ABHD5: variants seen among roughly 807,000 people sequenced by gnomAD.
ABHD5 encodes abhydrolase domain containing 5, lysophosphatidic acid acyltransferase.
A neutral mutation model predicts 44.9 loss-of-function variants in ABHD5; 30 were observed. That is an observed-to-expected ratio of 0.67 (90% confidence interval 0.50 to 0.91). The LOEUF (loss-of-function observed/expected upper bound fraction) is 0.91. Ranked by LOEUF, ABHD5 falls within the 40% of genes least tolerant of loss-of-function variation. The pLI is 0.00. For missense variants in ABHD5, 399 were observed against 423.4 expected (o/e 0.94, Z 0.50); for synonymous variants, 167 against 147.0 (o/e 1.14, Z -0.99).
chr3:43,701,157 G>C (rs779108919), intron 2 of ABHD5, among the ~76,000 whole-genome samples: 1 of 152,194 alleles, frequency 6.6e-6, no homozygotes, highest in African/African-American at 2.4e-5. Context: ...TAGTTATACA[G>C]ATGGTTTTTA....
chr3:43,706,228 T>TA (rs930936999), intron 3 of ABHD5, among the ~76,000 whole-genome samples: 6 of 152,206 alleles, frequency 3.9e-5, no homozygotes, highest in African/African-American at 1.4e-4. Context: ...AACAAACAGG[T>TA]ACTGAACTAC....
chr3:43,705,310 A>G (rs572177826), intron 3 of ABHD5, among the ~76,000 whole-genome samples: 27 of 152,292 alleles, frequency 1.8e-4, no homozygotes, highest in African/African-American at 6.3e-4. Context: ...TAAGCAGGCA[A>G]AGATTTCAGT....
chr3:43,695,608 C>G (rs529953668), intron 1 of ABHD5, among the ~76,000 whole-genome samples: 1 of 152,164 alleles, frequency 6.6e-6, no homozygotes, highest in Non-Finnish European at 1.5e-5. Context: ...AAACCTCTTT[C>G]ACTGTTTCAT....
At chr3:43,729,260 G>T (rs2084898143) in intron 7 of ABHD5, among the ~76,000 whole-genome samples, 2 of 152,154 alleles carry the variant, frequency 1.3e-5, no homozygotes, top group Admixed American at 1.3e-4. Context: ...GGTCATCTTG[G>T]ATGATTGGAG....
intron 7 of ABHD5, among the ~76,000 whole-genome samples, chr3:43,731,869 A>T (rs1317434062): frequency 6.6e-6 from 1 of 151,984 alleles, no homozygotes; most frequent in Non-Finnish European, 1.5e-5. Context: ...TAAAATTAAA[A>T]ATTAAGAATT....
chr3:43,692,832 G>A (rs1483431671), intron 1 of ABHD5, among the ~76,000 whole-genome samples: 1 of 152,108 alleles, frequency 6.6e-6, no homozygotes, highest in Non-Finnish European at 1.5e-5. Flanking sequence ...ACTGGAATTG[G>A]GACTCATGTG....
At chr3:43,693,321 C>A (rs2084425662) in intron 1 of ABHD5, among the ~76,000 whole-genome samples, 1 of 152,156 alleles carries the variant, frequency 6.6e-6, no homozygotes. Flanking sequence ...CCACGGAAAT[C>A]ATCAAATGCT....
At chr3:43,708,308 T>G (rs2084647911) in intron 3 of ABHD5, among the ~76,000 whole-genome samples, 1 of 152,222 alleles carries the variant, frequency 6.6e-6, no homozygotes, top group African/African-American at 2.4e-5. Flanking sequence ...AGATGTGAAC[T>G]AACAATCCCA....
chr3:43,706,929 C>T (rs1220737961), intron 3 of ABHD5, among the ~76,000 whole-genome samples: 2 of 152,128 alleles, frequency 1.3e-5, no homozygotes, highest in Non-Finnish European at 2.9e-5. Flanking sequence ...CAGTCCTTGT[C>T]TTTTATGGGC....
chr3:43,716,578 A>G (rs2084765825), intron 5 of ABHD5, among the ~76,000 whole-genome samples: 1 of 152,138 alleles, frequency 6.6e-6, no homozygotes, highest in Non-Finnish European at 1.5e-5. Flanking sequence ...TTAATAAAGT[A>G]GGTTAGAGGT....
intron 5 of ABHD5, among the ~76,000 whole-genome samples, chr3:43,717,255 A>C (rs186900457): frequency 1.3e-5 from 2 of 152,330 alleles, no homozygotes; most frequent in African/African-American, 4.8e-5. Context: ...GCTTGCAAGA[A>C]TATATTGTCT....
At chr3:43,697,989 C>T (rs2149593139) in intron 1 of ABHD5, among the ~76,000 whole-genome samples, 1 of 152,288 alleles carries the variant, frequency 6.6e-6, no homozygotes, top group South Asian at 2.1e-4. Flanking sequence ...GACTTAATCA[C>T]TCAGCAAACA....
chr3:43,711,821 C>T lies in ABHD5; in HGVS notation c.619C>T (p.Pro207Ser). The change falls in exon 4 of 7, where the codon CCC (proline) becomes TCC (serine). Residue 207 changes from proline to serine, a missense_variant. Coordinates refer to ENST00000644371, the MANE Select transcript of ABHD5 (RefSeq NM_016006.6). The part of the protein sequence containing the change: ...WIRALGAALT[P>S]FNPLAGLRIA... ...CAGAGCCTTGGGAGCAGCATTGACT[C>T]CCTTTAACCCTTTAGCTGGCCTAAG... 1.2e-6 allele frequency: 2 copies of T among 1,614,194 alleles called. No homozygotes were observed. Among genetic ancestry groups the T allele is most frequent in the Non-Finnish European group, 1.7e-6 (2 of 1,180,034 alleles).
At chr3:43,693,852 T>G (rs2084434877) in intron 1 of ABHD5, among the ~76,000 whole-genome samples, 1 of 152,010 alleles carries the variant, frequency 6.6e-6, no homozygotes, top group South Asian at 2.1e-4. Context: ...TGAACTGTCT[T>G]GTCTGTGGAG....
At chr3:43,730,293 A>G (rs2084904480) in intron 7 of ABHD5, among the ~76,000 whole-genome samples, 1 of 152,186 alleles carries the variant, frequency 6.6e-6, no homozygotes, top group African/African-American at 2.4e-5. Flanking sequence ...CTCCTGAGGA[A>G]TGCTCTTGGC....
At chr3:43,726,679 A>G (rs1231726298), downstream of ABHD5, among the ~76,000 whole-genome samples, 2 of 152,232 alleles carry the variant, frequency 1.3e-5, no homozygotes, top group African/African-American at 2.4e-5. Flanking sequence ...CTGTTTCGGC[A>G]AACATCTGAG....
chr3:43,698,320 C>T (rs539236696), intron 1 of ABHD5, among the ~76,000 whole-genome samples: 23 of 152,278 alleles, frequency 1.5e-4, no homozygotes, highest in African/African-American at 5.5e-4. Flanking sequence ...TTGGATTGGG[C>T]CCTTACCTCT....
At position 43,715,076 on chromosome 3, in the gene ABHD5, C is replaced by T. The variant is rs2149604615; in HGVS notation, c.773+18C>T. On this transcript the variant is annotated intron_variant, in intron 5 of 6. Coordinates refer to ENST00000644371, the MANE Select transcript of ABHD5 (RefSeq NM_016006.6). ...ACTCCAAGGTGAGGGTTAGGATTCT[C>T]AATTCACTCTGTGTGTGTGTGTGTG... is the stretch of plus-strand genomic sequence containing the variant. The T allele has an allele frequency of 7.0e-7, 1 of 1,433,112 alleles. No individual in the cohort carries two copies. 88.8% of individuals were successfully genotyped at this position (1,433,112 alleles called of 1,614,324 possible).
At chr3:43,713,349 GAAAA>G (rs1559416873) in intron 4 of ABHD5, among the ~76,000 whole-genome samples, 275 of 147,272 alleles carry the variant, frequency 1.9e-3, no homozygotes, top group African/African-American at 6.7e-3. Context: ...AAAAGGAAAA[GAAAA>G]GAAAAAAGAA....
Sources: allele counts gnomAD v4.1 joint callset (sites outside exome capture counted in the v4.1 genomes callset), GRCh38; gene constraint gnomAD v4.1.1; transcripts MANE v1.5; gene names NCBI Gene and HGNC (gene_info 2026-07-23, HGNC 2026-07-21).